MAGI1: variants seen among roughly 807,000 people sequenced by gnomAD.
MAGI1 encodes membrane-associated guanylate kinase, WW and PDZ domain-containing protein 1.
Under a neutral mutation model 139.9 loss-of-function variants are expected in MAGI1, and 58 were observed. That is an observed-to-expected ratio of 0.41 (90% confidence interval 0.34 to 0.52). The LOEUF (loss-of-function observed/expected upper bound fraction) is 0.52, where lower values mean the gene tolerates loss of function less well. Among genes scored for constraint, MAGI1 ranks in the 20% least tolerant of loss-of-function variants. The pLI is 0.12. For missense variants in MAGI1, 1,874 were observed against 1,901.6 expected (o/e 0.99, Z 0.27); for synonymous variants, 812 against 737.9 (o/e 1.10, Z -1.63).
At chr3:65,579,671 C>T (rs1320090423) in intron 2 of MAGI1, among the ~76,000 whole-genome samples, 3 of 151,436 alleles carry the variant, frequency 2.0e-5, no homozygotes, top group African/African-American at 7.3e-5. Context: ...CATAGTGAAA[C>T]CCTGTCTCTA....
chr3:65,530,803 A>G (rs2078663989), intron 2 of MAGI1, among the ~76,000 whole-genome samples: 1 of 65,412 alleles, frequency 1.5e-5, no homozygotes, highest in Non-Finnish European at 3.1e-5. Context: ...ATATATATAT[A>G]TACACACATA....
intron 1 of MAGI1, among the ~76,000 whole-genome samples, chr3:65,974,271 T>C (rs1018603133): frequency 6.6e-6 from 1 of 150,580 alleles, no homozygotes; most frequent in Non-Finnish European, 1.5e-5. Context: ...CAAACATTTG[T>C]TGAAAGCATA....
At chr3:65,886,071 C>T (rs114707992) in intron 1 of MAGI1, among the ~76,000 whole-genome samples, 3,455 of 152,208 alleles carry the variant, frequency 0.023, 70 homozygotes, top group Middle Eastern at 0.044. Flanking sequence ...AATCACCTTA[C>T]AAAGAATAAT....
At chr3:65,480,818 C>A (rs947839842) in intron 3 of MAGI1, among the ~76,000 whole-genome samples, 10 of 151,980 alleles carry the variant, frequency 6.6e-5, no homozygotes, top group African/African-American at 2.4e-4. Flanking sequence ...GAACTCCTGA[C>A]CTGAGGTGAT....
In MAGI1 at chr3:65,379,514, A is replaced by C; in HGVS notation, c.2742T>G (p.Ser914=). The change falls in exon 17 of 23, where the codon TCT becomes TCG. Residue 914 remains serine (S), a synonymous_variant. Transcript: ENST00000402939. ...AGGCCGGCTGGTTGCTACTGTGATGAGAGGAGGCTGGCGAGGGCACCTCGT... is the reference window on the plus strand; with the variant it reads ...AGGCCGGCTGGTTGCTACTGTGATGCGAGGAGGCTGGCGAGGGCACCTCGT... ...TENEVPSPAS[S]HHSSNQPASL... 1 of 1,612,890 alleles carries C rather than the reference A, an allele frequency of 6.2e-7. No individual in the cohort carries two copies. The highest frequency in any genetic ancestry group is 1.3e-5 in the African/African-American group (1 of 74,946).
At chr3:65,829,289 C>A (rs2042398386) in intron 1 of MAGI1, among the ~76,000 whole-genome samples, 1 of 152,184 alleles carries the variant, frequency 6.6e-6, no homozygotes. Flanking sequence ...AAGGAACCAA[C>A]TGCATAGTGC....
intron 1 of MAGI1, among the ~76,000 whole-genome samples, chr3:65,701,962 T>C (rs1473093312): frequency 2.6e-5 from 4 of 152,180 alleles, no homozygotes; most frequent in Admixed American, 1.3e-4. Context: ...TCCCACACAA[T>C]GCCTGCATAT....
In MAGI1 at chr3:65,668,566, T is replaced by C. The variant is rs1472068487; in HGVS notation, c.314-46478A>G. On this transcript the variant is annotated intron_variant, in intron 1 of 22. Transcript: ENST00000402939. ...AGCCATTTAGTCCTTTTTTTTCTTTTTTTTTTTTTTTTTTTTTTGACACGG... is the reference window on the plus strand; with the variant it reads ...AGCCATTTAGTCCTTTTTTTTCTTTCTTTTTTTTTTTTTTTTTTGACACGG... Among the ~76,000 whole-genome samples the C allele has an allele frequency of 8.0e-5, 11 of 138,224 alleles. No individual in the cohort carries two copies. In the East Asian group the frequency reaches 1.6e-3, roughly 20 times the overall value. The allele number at this position is 138,224 out of a possible 152,430, so 90.7% of individuals were successfully genotyped here. A position where few individuals can be genotyped will look rare whatever the true frequency, so the allele number is the denominator to read the frequency against.
chr3:65,869,427 G>C (rs1356270135), intron 1 of MAGI1, among the ~76,000 whole-genome samples: 1 of 149,164 alleles, frequency 6.7e-6, no homozygotes, highest in African/African-American at 2.5e-5. Context: ...TTGAGACAGA[G>C]TCTTGCTCTC....
At chr3:65,671,390 T>C (rs1357794310) in intron 1 of MAGI1, among the ~76,000 whole-genome samples, 1 of 152,136 alleles carries the variant, frequency 6.6e-6, no homozygotes. Flanking sequence ...CAATCGACAT[T>C]TGTGACAATT....
intron 16 of MAGI1, 57 bp downstream of exon 16, chr3:65,381,820 C>G (rs1477724235): frequency 1.4e-6 from 2 of 1,443,390 alleles, no homozygotes; most frequent in South Asian, 2.8e-5. Flanking sequence ...AGGAAGGAGG[C>G]CTTTTCTGTG....
At chr3:65,724,341 G>A (rs1432504541) in intron 1 of MAGI1, among the ~76,000 whole-genome samples, 1 of 152,200 alleles carries the variant, frequency 6.6e-6, no homozygotes, top group Non-Finnish European at 1.5e-5. Flanking sequence ...TCCTTCAGCA[G>A]TCTAGAAGAC....
rs1211379584 is a variant in MAGI1 at position 65,841,395 on chromosome 3, T to C, written c.313+196601A>G. Among the ~76,000 whole-genome samples, 3 of 152,012 alleles carry C rather than the reference T, an allele frequency of 2.0e-5. No individual in the cohort carries two copies. In the East Asian group the frequency reaches 5.8e-4, roughly 29 times the overall value. On this transcript the variant is annotated intron_variant, in intron 1 of 22. Coordinates refer to ENST00000402939, the MANE Select transcript of MAGI1 (RefSeq NM_001033057.2). ...GTTATTTGAAATTTTCCTCTTTTCT[T>C]TCTTTCTTTGTTTTTTTGTTTTGTT... is the stretch of plus-strand genomic sequence containing the variant.
At chr3:65,362,738 TG>T (rs1940997973) in intron 21 of MAGI1, among the ~76,000 whole-genome samples, 1 of 152,216 alleles carries the variant, frequency 6.6e-6, no homozygotes, top group Non-Finnish European at 1.5e-5. Flanking sequence ...CTGACTGTCT[TG>T]ATTTCTTTTA....
At chr3:65,588,631 G>A (rs1186483806) in intron 2 of MAGI1, among the ~76,000 whole-genome samples, 1 of 152,146 alleles carries the variant, frequency 6.6e-6, no homozygotes, top group Non-Finnish European at 1.5e-5. Context: ...TAACATCTCT[G>A]AGTTCTCTTG....
chr3:65,901,800 C>T (rs975145237), intron 1 of MAGI1, among the ~76,000 whole-genome samples: 1 of 152,226 alleles, frequency 6.6e-6, no homozygotes, highest in African/African-American at 2.4e-5. Flanking sequence ...TGCATGTATA[C>T]ATCCCAGAAT....
intron 12 of MAGI1, among the ~76,000 whole-genome samples, chr3:65,404,444 T>C (rs1945170026): frequency 6.6e-6 from 1 of 152,158 alleles, no homozygotes; most frequent in Non-Finnish European, 1.5e-5. Flanking sequence ...TGTTCCTCTT[T>C]GCCGGCTAGT....
In MAGI1 at chr3:65,849,524, T is replaced by C. The variant is rs146116587; in HGVS notation, c.313+188472A>G. Among the ~76,000 whole-genome samples, 111 of 150,452 alleles carry C rather than the reference T, an allele frequency of 7.4e-4. 1 individual carries two copies. Among genetic ancestry groups the C allele is most frequent in the African/African-American group, 2.7e-3 (109 of 41,088 alleles). ...ATATATATATATCATCAAATATACA[T>C]ATATATCATCAAATATACATATATA... On this transcript the variant is annotated intron_variant, in intron 1 of 22. Coordinates refer to ENST00000402939, the MANE Select transcript of MAGI1 (RefSeq NM_001033057.2).
intron 2 of MAGI1, among the ~76,000 whole-genome samples, chr3:65,496,467 T>C (rs1362473692): frequency 1.3e-5 from 2 of 152,182 alleles, no homozygotes; most frequent in Non-Finnish European, 2.9e-5. Flanking sequence ...AGGTGAATGG[T>C]AATCAAGATA....
Sources: allele counts gnomAD v4.1 joint callset (sites outside exome capture counted in the v4.1 genomes callset), GRCh38; gene constraint gnomAD v4.1.1; transcripts MANE v1.5; gene names NCBI Gene and HGNC (gene_info 2026-07-23, HGNC 2026-07-21).